Variants in VPS26A observed in about 807,000 individuals in gnomAD.
VPS26A encodes the protein vacuolar protein sorting-associated protein 26A.
A neutral mutation model predicts 42.4 loss-of-function variants in VPS26A; 22 were observed. The ratio of observed to expected loss-of-function variants is 0.52; its 90% CI spans 0.37 to 0.74. The LOEUF (loss-of-function observed/expected upper bound fraction) is 0.74. Among genes scored for constraint, VPS26A ranks in the 30% least tolerant of loss-of-function variants. The pLI is 0.00. For synonymous variants in VPS26A, 110 were observed against 123.5 expected, an observed-to-expected ratio of 0.89 and a Z score of 0.73; for missense variants, 276 against 379.2, an observed-to-expected ratio of 0.73 and a Z score of 2.26.
rs946357189 is a variant in VPS26A, at chr10:69,128,912, G to C, written c.4-3986G>C. ...TTGGGAGGCTTGAGGTGGGAGGCTT[G>C]CTTGAGCCCATGAGGCAGAAGTTGC... On this transcript the variant is annotated intron_variant, in intron 1 of 8. Coordinates refer to ENST00000263559, the MANE Select transcript of VPS26A (RefSeq NM_004896.5). Among the ~76,000 whole-genome samples, 4 of 143,494 alleles carry C rather than the reference G, an allele frequency of 2.8e-5. No individual in the cohort carries two copies. In the Admixed American group the frequency reaches 3.0e-4, roughly 11 times the overall value. 94.1% of individuals were successfully genotyped at this position (143,494 alleles called of 152,430 possible).
intron 1 of VPS26A, among the ~76,000 whole-genome samples, chr10:69,125,004 C>T (rs1475154475): frequency 1.3e-5 from 2 of 152,206 alleles, no homozygotes; most frequent in African/African-American, 4.8e-5. Context: ...GCTCTCACCA[C>T]AGTCCGCGGA....
rs904281044 is a variant in VPS26A, at chr10:69,174,402, T to C, written c.*3133T>C. Among the ~76,000 whole-genome samples the C allele has an allele frequency of 6.6e-6, 1 of 152,196 alleles. No individual in the cohort carries two copies. Among genetic ancestry groups the C allele is most frequent in the Non-Finnish European group, 1.5e-5 (1 of 68,040 alleles). ...GATCTAAACCATTAAAATTTTTATT[T>C]CTGTCACTAATGAAGAATTTTCTCA... is the stretch of plus-strand genomic sequence containing the variant. On this transcript the variant is annotated 3_prime_UTR_variant, in exon 9 of 9. Transcript: ENST00000263559.
At chr10:69,139,790 T>C (rs1458181806) in intron 2 of VPS26A, among the ~76,000 whole-genome samples, 2 of 152,174 alleles carry the variant, frequency 1.3e-5, no homozygotes, top group Non-Finnish European at 2.9e-5. Context: ...GGTTTTTTGC[T>C]CTTGTATTCC....
At chr10:69,152,098 A>C (rs924804175) in intron 2 of VPS26A, among the ~76,000 whole-genome samples, 1 of 152,030 alleles carries the variant, frequency 6.6e-6, no homozygotes, top group African/African-American at 2.4e-5. Context: ...AATTTCAGCT[A>C]TTTGGGAGGC....
intron 2 of VPS26A, among the ~76,000 whole-genome samples, chr10:69,139,303 C>T (rs1055094063): frequency 2.6e-5 from 4 of 151,716 alleles, no homozygotes; most frequent in Non-Finnish European, 5.9e-5. Context: ...TATTTATTTT[C>T]TATTTATTTA....
At chr10:69,157,836 T>C (rs1841465444) in intron 4 of VPS26A, among the ~76,000 whole-genome samples, 1 of 152,220 alleles carries the variant, frequency 6.6e-6, no homozygotes, top group Non-Finnish European at 1.5e-5. Context: ...GTAAAGTATT[T>C]ACACTATTCT....
intron 5 of VPS26A, among the ~76,000 whole-genome samples, chr10:69,158,590 G>C (rs1589361261): frequency 1.3e-5 from 2 of 151,854 alleles, no homozygotes; most frequent in South Asian, 2.1e-4. Flanking sequence ...TCATTTCTTG[G>C]GGGGAGGGGG....
chr10:69,160,135 C>CAT (rs1187224143), intron 5 of VPS26A, among the ~76,000 whole-genome samples: 1 of 29,232 alleles, frequency 3.4e-5, no homozygotes, highest in Non-Finnish European at 4.8e-4. Flanking sequence ...TTTACACACA[C>CAT]ACACACACAC....
At chr10:69,137,079 C>T (rs1242836080) in intron 2 of VPS26A, among the ~76,000 whole-genome samples, 5 of 152,282 alleles carry the variant, frequency 3.3e-5, no homozygotes, top group East Asian at 3.9e-4. Context: ...CGTGAGCCAC[C>T]GTGCCTGGCC....
rs750623744 is a variant in VPS26A at position 69,133,055 on chromosome 10, TTC to T, written c.153+10_153+11del. The T allele has an allele frequency of 3.1e-6, 5 of 1,605,326 alleles. No homozygotes were observed. Among genetic ancestry groups the T allele is most frequent in the Non-Finnish European group, 4.2e-6 (5 of 1,177,932 alleles). ...GAATCCGTTTCAGGAAAGGTAAATC[TTC>T]TGTTTGACAAAACTATCTAATTGTA... is the stretch of plus-strand genomic sequence containing the variant. On this transcript the variant is annotated intron_variant, in intron 2 of 8. Coordinates refer to ENST00000263559, the MANE Select transcript of VPS26A (RefSeq NM_004896.5).
At chr10:69,131,305 G>C (rs1292472323) in intron 1 of VPS26A, among the ~76,000 whole-genome samples, 1 of 152,198 alleles carries the variant, frequency 6.6e-6, no homozygotes, top group Admixed American at 6.5e-5. Context: ...AGATCATTCA[G>C]AGCCAGGTGC....
chr10:69,145,472 T>A (rs993686783), intron 2 of VPS26A, among the ~76,000 whole-genome samples: 1 of 152,232 alleles, frequency 6.6e-6, no homozygotes, highest in African/African-American at 2.4e-5. Context: ...GGATGTATAC[T>A]GAAAAAGCCA....
chr10:69,149,670 C>T (rs1393504517), intron 2 of VPS26A, among the ~76,000 whole-genome samples: 1 of 149,970 alleles, frequency 6.7e-6, no homozygotes, highest in Non-Finnish European at 1.5e-5. Context: ...GTGCCTGTCC[C>T]TATTGGAACA....
At chr10:69,150,048 ATTTAT>A (rs920069056) in intron 2 of VPS26A, among the ~76,000 whole-genome samples, 2 of 141,680 alleles carry the variant, frequency 1.4e-5, no homozygotes, top group African/African-American at 2.7e-5. Context: ...CCTGGCCCTC[ATTTAT>A]TTTATTTTAT....
chr10:69,132,846 A>G, intron 1 of VPS26A, 52 bp from the exon 2 acceptor site: 3 of 1,506,674 alleles, frequency 2.0e-6, no homozygotes, highest in Non-Finnish European at 2.7e-6. Context: ...AAATTATAAA[A>G]TGTAGTGACT....
chr10:69,158,570 T>G (rs4603192), intron 5 of VPS26A, among the ~76,000 whole-genome samples: 71,058 of 151,746 alleles, frequency 0.47, 18,986 homozygotes, highest in Middle Eastern at 0.72. Context: ...TGTTAATGTC[T>G]CCTTGTATAT....
intron 2 of VPS26A, among the ~76,000 whole-genome samples, chr10:69,143,000 G>A (rs544330433): frequency 1.6e-4 from 24 of 152,248 alleles, no homozygotes; most frequent in African/African-American, 5.1e-4. Flanking sequence ...TTATAAAATG[G>A]GGTAGAAAGT....
In VPS26A at chr10:69,172,252, C is replaced by A. The variant is rs941772755; in HGVS notation, c.*983C>A. ...TGGGTAATTTCATGTTTATTAAACTCGAACTTTGGCTAGTTAAACTCATAT... is the reference window on the plus strand; with the variant it reads ...TGGGTAATTTCATGTTTATTAAACTAGAACTTTGGCTAGTTAAACTCATAT... On this transcript the variant is annotated 3_prime_UTR_variant, in exon 9 of 9. Transcript: ENST00000263559. The A allele has an allele frequency of 6.6e-6, 1 of 152,058 alleles. No homozygotes were observed. The highest frequency in any genetic ancestry group is 2.4e-5 in the African/African-American group (1 of 41,398). The allele number at this position is 152,058 out of a possible 1,614,324, so 9.4% of individuals were successfully genotyped here. A position where few individuals can be genotyped will look rare whatever the true frequency, so the allele number is the denominator to read the frequency against.
rs749304996 is a variant in VPS26A, at chr10:69,157,087, A to G, written c.310A>G (p.Ser104Gly). ...ELALPGELTQSRSYDFEFMQV... is the reference protein window; with the variant it reads ...ELALPGELTQGRSYDFEFMQV... The stretch of plus-strand genomic sequence containing the variant: ...AGCCTTACCTGGAGAACTGACTCAG[A>G]GCAGAAGTTATGATTTTGAATTTAT... Residue 104 changes from serine to glycine, a missense_variant, in exon 4 of 9, where the codon AGC (serine) becomes GGC (glycine). Ser to Gly is a moderately conservative substitution (Grantham distance 56). Transcript: ENST00000263559. 6.2e-7 allele frequency: 1 copy of G among 1,613,724 alleles called. No homozygotes were observed. The highest frequency in any genetic ancestry group is 8.5e-7 in the Non-Finnish European group (1 of 1,179,732).
Sources: allele counts gnomAD v4.1 joint callset (sites outside exome capture counted in the v4.1 genomes callset), GRCh38; gene constraint gnomAD v4.1.1; transcripts MANE v1.5; gene names NCBI Gene and HGNC (gene_info 2026-07-23, HGNC 2026-07-21).